KIAA0319L: variants seen among roughly 807,000 people sequenced by gnomAD.
KIAA0319L encodes dyslexia-associated protein KIAA0319-like protein.
Under a neutral mutation model 120.1 loss-of-function variants are expected in KIAA0319L, and 55 were observed. That is an observed-to-expected ratio of 0.46 (90% CI 0.37 to 0.57). The LOEUF (loss-of-function observed/expected upper bound fraction) is 0.57. Ranked by LOEUF, KIAA0319L falls within the 20% of genes least tolerant of loss-of-function variation. The pLI is 0.00. For missense variants in KIAA0319L, 1,049 were observed against 1,255.3 expected (o/e 0.84, Z 2.48); for synonymous variants, 398 against 471.9 (o/e 0.84, Z 2.03).
chr1:35,505,893 C>A (rs1407493046), intron 3 of KIAA0319L, among the ~76,000 whole-genome samples: 1 of 152,200 alleles, frequency 6.6e-6, no homozygotes, highest in Non-Finnish European at 1.5e-5. Flanking sequence ...CTTGGCATGT[C>A]ATAGCCCACT....
At chr1:35,456,743 G>A (rs1409067628) in intron 9 of KIAA0319L, among the ~76,000 whole-genome samples, 8 of 151,654 alleles carry the variant, frequency 5.3e-5, no homozygotes, top group Non-Finnish European at 8.8e-5. Context: ...CCCGGGAGGC[G>A]GACGTTGCAG....
At chr1:35,486,500 C>T (rs1339400482) in intron 3 of KIAA0319L, among the ~76,000 whole-genome samples, 1 of 151,138 alleles carries the variant, frequency 6.6e-6, no homozygotes, top group Non-Finnish European at 1.5e-5. Context: ...TTGTTTTTTA[C>T]ACGAAAACTA....
chr1:35,439,456 C>G (rs1349566322), intron 20 of KIAA0319L: 1 of 152,246 alleles, frequency 6.6e-6, no homozygotes. Context: ...CAGGGCCTGG[C>G]ACATAGTGGT....
Position 35,441,071 on chromosome 1 carries a change from C to T in KIAA0319L, c.2938G>A (p.Glu980Lys). Residue 980 changes from glutamate (E) to lysine (K), a missense_variant, in exon 20 of 21, where the codon GAG (glutamate) becomes AAG (lysine). Transcript: ENST00000325722. ...CCTGCTCGGGAGGTTGGCTTCAGCT[C>T]CAGGCTTTCCTGATCCGTGGCATCC... ...ILDATDQESL[E>K]LKPTSRAGIK... 2.5e-6 allele frequency: 4 copies of T among 1,614,176 alleles called. No homozygotes were observed. Among genetic ancestry groups the T allele is most frequent in the Non-Finnish European group, 3.4e-6 (4 of 1,180,008 alleles).
intron 2 of KIAA0319L, 151 bp from the exon 3 acceptor site, chr1:35,507,286 G>A (rs1570879301): frequency 1.6e-6 from 1 of 641,046 alleles, no homozygotes; most frequent in East Asian, 3.0e-5. Context: ...CAAAGGAAGT[G>A]AAAGAGAGTG....
At position 35,478,957 on chromosome 1, in the gene KIAA0319L, G is replaced by A. The variant is rs747684978; in HGVS notation, c.913+9C>T. ...TTTTCCTTCTATCTCCAAGAGCAAAGGTCCTTACCTGGGTATGGTGCTGAG... is the reference window on the plus strand; with the variant it reads ...TTTTCCTTCTATCTCCAAGAGCAAAAGTCCTTACCTGGGTATGGTGCTGAG... On this transcript the variant is annotated intron_variant, in intron 4 of 20. Coordinates refer to ENST00000325722, the MANE Select transcript of KIAA0319L (RefSeq NM_024874.5). 4 of 1,613,062 alleles carry A rather than the reference G, an allele frequency of 2.5e-6. No homozygotes were observed. The African/African-American group carries it at 4.0e-5, about 16-fold the overall frequency.
chr1:35,557,636 C>T (rs1366530326), upstream of KIAA0319L: 4 of 456,044 alleles, frequency 8.8e-6, no homozygotes, highest in East Asian at 2.8e-4. Flanking sequence ...AGCCCCAGCC[C>T]CCAGACTCGG....
In KIAA0319L at chr1:35,506,832, G is replaced by C. The variant is rs867386786; in HGVS notation, c.446C>G (p.Pro149Arg). The change falls in exon 3 of 21, where the codon CCA becomes CGA. Residue 149 changes from proline to arginine, a missense_variant. Coordinates refer to ENST00000325722, the MANE Select transcript of KIAA0319L (RefSeq NM_024874.5). This position sits in a 1 kb window ranked among gnomAD's most constrained non-coding sequence, Gnocchi z 4.0. ...GTTCCAACCTAGCCCCAGAAGATGT[G>C]GTACATCATCTTCAGGTAGAAAGCC... is the stretch of plus-strand genomic sequence containing the variant. ...DLGFLPEDDV[P>R]HLLGLGWNWA... is the part of the protein sequence containing the mutation. 6.2e-7 allele frequency: 1 copy of C among 1,613,952 alleles called. No individual in the cohort carries two copies. Among genetic ancestry groups the C allele is most frequent in the Non-Finnish European group, 8.5e-7 (1 of 1,179,852 alleles).
Position 35,441,087 on chromosome 1 carries a change from C to G in KIAA0319L, c.2922G>C (p.Thr974=). 1 of 1,614,150 alleles carries G rather than the reference C, an allele frequency of 6.2e-7. No homozygotes were observed. Among genetic ancestry groups the G allele is most frequent in the Non-Finnish European group, 8.5e-7 (1 of 1,180,018 alleles). The part of the protein sequence containing the change: ...RKSKYKILDA[T]DQESLELKPT... ...GCTTCAGCTCCAGGCTTTCCTGATCCGTGGCATCCAGGATCTTGTACTTGC... is the reference window on the plus strand; with the variant it reads ...GCTTCAGCTCCAGGCTTTCCTGATCGGTGGCATCCAGGATCTTGTACTTGC... The change falls in exon 20 of 21, where the codon ACG becomes ACC. Residue 974 remains threonine (T), a synonymous_variant. Transcript: ENST00000325722.
chr1:35,522,624 T>C (rs772351246), intron 2 of KIAA0319L, among the ~76,000 whole-genome samples: 38 of 152,180 alleles, frequency 2.5e-4, no homozygotes, highest in Non-Finnish European at 4.0e-4. Flanking sequence ...CGTATTATTT[T>C]CTTTTGAAAA....
intron 2 of KIAA0319L, among the ~76,000 whole-genome samples, chr1:35,538,819 G>GT (rs1037151362): frequency 6.6e-6 from 1 of 151,368 alleles, no homozygotes; most frequent in Non-Finnish European, 1.5e-5. Flanking sequence ...TTTTACTTGT[G>GT]TTTTTTTCTT....
chr1:35,551,094 T>C (rs564076843), intron 2 of KIAA0319L, among the ~76,000 whole-genome samples: 1 of 152,308 alleles, frequency 6.6e-6, no homozygotes, highest in East Asian at 1.9e-4. Flanking sequence ...GCTCTTGATA[T>C]TTATGCCAAG....
At chr1:35,536,871 A>G (rs1483613202) in intron 2 of KIAA0319L, among the ~76,000 whole-genome samples, 1 of 150,460 alleles carries the variant, frequency 6.6e-6, no homozygotes, top group Non-Finnish European at 1.5e-5. Context: ...TAAGCTATGC[A>G]CTTAAAAAAA....
chr1:35,522,442 G>A (rs529529524), intron 2 of KIAA0319L, among the ~76,000 whole-genome samples: 64 of 151,902 alleles, frequency 4.2e-4, no homozygotes, highest in African/African-American at 1.4e-3. Flanking sequence ...ACCACGCCCA[G>A]CTAATTTTTG....
chr1:35,474,677 G>T, intron 5 of KIAA0319L, 128 bp downstream of exon 5: 1 of 580,252 alleles, frequency 1.7e-6, no homozygotes, highest in Non-Finnish European at 3.1e-6. Context: ...AGTAGTTCCA[G>T]CTACTAGGAA....
chr1:35,448,834 C>T (rs1432105782), intron 15 of KIAA0319L, among the ~76,000 whole-genome samples: 1 of 152,180 alleles, frequency 6.6e-6, no homozygotes, highest in Non-Finnish European at 1.5e-5. Context: ...GGTTTAAATA[C>T]AGTTAACAAA....
chr1:35,527,541 TG>T (rs1172087788), intron 2 of KIAA0319L, among the ~76,000 whole-genome samples: 5 of 152,214 alleles, frequency 3.3e-5, no homozygotes, highest in African/African-American at 1.2e-4. Flanking sequence ...TAGGCTTTTT[TG>T]GTTGAGAGAC....
At chr1:35,443,888 G>A (rs1365492425) in intron 17 of KIAA0319L, 1 of 284,256 alleles carries the variant, frequency 3.5e-6, no homozygotes, top group Non-Finnish European at 6.5e-6. Context: ...GAAGTAAACA[G>A]TGAGTTTCAG....
intron 5 of KIAA0319L, among the ~76,000 whole-genome samples, chr1:35,471,356 A>G (rs374710861): frequency 6.6e-6 from 1 of 152,240 alleles, no homozygotes; most frequent in Non-Finnish European, 1.5e-5. Context: ...AAGAACAGCA[A>G]TGACTTCTAA....
Sources: gnomAD v4.1 joint callset for allele counts (sites outside exome capture counted in the v4.1 genomes callset) on GRCh38, gnomAD v4.1.1 for gene constraint, Gnocchi (gnomAD v3.1) non-coding constraint, MANE v1.5 for transcripts, NCBI Gene and HGNC (gene_info 2026-07-23, HGNC 2026-07-21) for gene names.